Variants in ZFYVE9 observed in about 807,000 individuals in gnomAD.
ZFYVE9 encodes the protein zinc finger FYVE domain-containing protein 9.
ZFYVE9 carries 43 observed loss-of-function variants against 126.7 expected under a neutral mutation model. That is an observed-to-expected ratio of 0.34 (90% CI 0.27 to 0.44). ZFYVE9 has a LOEUF of 0.44. Ranked by LOEUF, ZFYVE9 falls within the 20% of genes least tolerant of loss-of-function variation. The pLI, the probability that ZFYVE9 is intolerant of heterozygous loss-of-function variation, is 1.00. For missense variants in ZFYVE9, 1,476 were observed against 1,697.0 expected (o/e 0.87, Z 2.29); for synonymous variants, 521 against 597.4 (o/e 0.87, Z 1.87).
intron 1 of ZFYVE9, among the ~76,000 whole-genome samples, chr1:52,155,419 A>G (rs1210998163): frequency 6.6e-6 from 1 of 151,876 alleles, no homozygotes; most frequent in Non-Finnish European, 1.5e-5. Context: ...TATTTTTAGT[A>G]GAGACGGGGT....
At chr1:52,219,062 T>C (rs185374993) in intron 2 of ZFYVE9, among the ~76,000 whole-genome samples, 4 of 152,140 alleles carry the variant, frequency 2.6e-5, no homozygotes, top group Non-Finnish European at 5.9e-5. Flanking sequence ...AGCCCTGATA[T>C]TTCGTGGTCC....
intron 1 of ZFYVE9, among the ~76,000 whole-genome samples, chr1:52,157,422 A>G (rs1345209152): frequency 3.5e-5 from 1 of 28,480 alleles, no homozygotes; most frequent in Non-Finnish European, 8.3e-5. Flanking sequence ...TTTTTTTGAG[A>G]TGGAGTCTCA....
intron 13 of ZFYVE9, among the ~76,000 whole-genome samples, chr1:52,315,732 T>C (rs1454503526): frequency 6.6e-6 from 1 of 152,026 alleles, no homozygotes; most frequent in East Asian, 1.9e-4. Context: ...AATAGCAAGA[T>C]AGTAAATTTA....
intron 5 of ZFYVE9, chr1:52,264,133 G>A (rs904252988): frequency 3.0e-5 from 7 of 235,014 alleles, no homozygotes; most frequent in South Asian, 1.1e-4. Context: ...AATCTGGTGC[G>A]AGGTAGTTAT....
intron 10 of ZFYVE9, among the ~76,000 whole-genome samples, chr1:52,282,458 C>T (rs1645814325): frequency 1.3e-5 from 2 of 152,176 alleles, no homozygotes; most frequent in East Asian, 1.9e-4. Context: ...GAACTATTCT[C>T]GTTTATTGTA....
At chr1:52,300,156 A>G (rs1368347285) in intron 12 of ZFYVE9, among the ~76,000 whole-genome samples, 1 of 152,132 alleles carries the variant, frequency 6.6e-6, no homozygotes, top group African/African-American at 2.4e-5. Flanking sequence ...GCTCTCCAGC[A>G]TACTTCCACA....
At chr1:52,161,950 A>AC (rs1491516254) in intron 1 of ZFYVE9, among the ~76,000 whole-genome samples, 5 of 149,812 alleles carry the variant, frequency 3.3e-5, no homozygotes, top group African/African-American at 1.2e-4. Context: ...AAAAAAAAAA[A>AC]GTTTACGGAG....
intron 2 of ZFYVE9, among the ~76,000 whole-genome samples, chr1:52,223,207 C>T (rs1408910725): frequency 1.3e-5 from 2 of 152,234 alleles, no homozygotes; most frequent in African/African-American, 2.4e-5. Context: ...TTTCTTTTCC[C>T]TCTCCCATTC....
At chr1:52,181,336 C>T (rs578214584) in intron 1 of ZFYVE9, among the ~76,000 whole-genome samples, 3 of 152,368 alleles carry the variant, frequency 2.0e-5, no homozygotes, top group South Asian at 2.1e-4. Flanking sequence ...CCGCCAGCCT[C>T]GGCCTCCCGA....
intron 13 of ZFYVE9, among the ~76,000 whole-genome samples, chr1:52,316,505 T>C (rs190683480): frequency 8.9e-4 from 130 of 146,024 alleles, no homozygotes; most frequent in Non-Finnish European, 1.5e-3. Flanking sequence ...AAAAACTAAA[T>C]GGGTAGAAAA....
chr1:52,345,032 C>T, intron 18 of ZFYVE9, 88 bp downstream of exon 18: 2 of 1,437,176 alleles, frequency 1.4e-6, no homozygotes, highest in Non-Finnish European at 1.9e-6. Context: ...CCCCAGAGAG[C>T]TTAATTCTCC....
intron 1 of ZFYVE9, among the ~76,000 whole-genome samples, chr1:52,184,170 T>C (rs1388303649): frequency 1.3e-5 from 2 of 148,356 alleles, no homozygotes; most frequent in South Asian, 2.1e-4. Context: ...ATTTGTCCTT[T>C]TGGCATTTCT....
At chr1:52,244,703 G>A (rs1645366738) in intron 4 of ZFYVE9, among the ~76,000 whole-genome samples, 1 of 152,076 alleles carries the variant, frequency 6.6e-6, no homozygotes, top group African/African-American at 2.4e-5. Context: ...GACTTAATGG[G>A]TTAGAATCAG....
In ZFYVE9 at chr1:52,306,321, C is replaced by T. The variant is rs187702154; in HGVS notation, c.3438+2396C>T. Among the ~76,000 whole-genome samples, 332 of 152,252 alleles carry T rather than the reference C, an allele frequency of 2.2e-3. 1 individual carries two copies. Among genetic ancestry groups the T allele is most frequent in the African/African-American group, 7.5e-3 (310 of 41,548 alleles). On this transcript the variant is annotated intron_variant, in intron 13 of 18. Coordinates refer to ENST00000287727, the MANE Select transcript of ZFYVE9 (RefSeq NM_004799.4). Reference sequence around the variant, plus strand: ...TCTCCTCTCTGCTGAGACCTGCAGACGCTGAGATGACCAGCTGTAGAGAGG... The same window carrying T: ...TCTCCTCTCTGCTGAGACCTGCAGATGCTGAGATGACCAGCTGTAGAGAGG...
At chr1:52,155,435 T>C (rs927654872) in intron 1 of ZFYVE9, among the ~76,000 whole-genome samples, 4 of 151,954 alleles carry the variant, frequency 2.6e-5, no homozygotes, top group African/African-American at 9.7e-5. Flanking sequence ...GGGGTTTCAC[T>C]GTGTTAGCCA....
At chr1:52,296,194 CAT>C (rs540975719) in intron 12 of ZFYVE9, among the ~76,000 whole-genome samples, 1 of 150,822 alleles carries the variant, frequency 6.6e-6, no homozygotes, top group African/African-American at 2.5e-5. Context: ...CACACACACA[CAT>C]ATATATATTC....
chr1:52,149,695 A>G (rs1040036717), intron 1 of ZFYVE9, among the ~76,000 whole-genome samples: 5 of 152,114 alleles, frequency 3.3e-5, no homozygotes, highest in Non-Finnish European at 5.9e-5. Flanking sequence ...GGGTTTCACT[A>G]TCTTGGCCAG....
At chr1:52,176,598 G>A (rs1314897095) in intron 1 of ZFYVE9, among the ~76,000 whole-genome samples, 1 of 152,152 alleles carries the variant, frequency 6.6e-6, no homozygotes, top group Non-Finnish European at 1.5e-5. Context: ...CCCAGAGGTG[G>A]AGCCTACGGA....
rs775553196 is a variant in ZFYVE9, at chr1:52,238,527, TGAAAATGAAGGTTATGAACATGAA to T, written c.1115_1138del (p.Asn372_Glu379del). The T allele has an allele frequency of 6.2e-7, 1 of 1,614,056 alleles. No individual in the cohort carries two copies. Among genetic ancestry groups the T allele is most frequent in the Non-Finnish European group, 8.5e-7 (1 of 1,179,956 alleles). On this transcript the variant is annotated inframe_deletion, in exon 4 of 19. Transcript: ENST00000287727. ...TTGTGCCTAATGAAGTTAGGGCTGATGAAAATGAAGGTTATGAACATGAAGAAACTCTTGGCACTACAGAATTCC... is the reference window on the plus strand; with the variant it reads ...TTGTGCCTAATGAAGTTAGGGCTGATGAAACTCTTGGCACTACAGAATTCC...
Sources: gnomAD v4.1 joint callset for allele counts (sites outside exome capture counted in the v4.1 genomes callset) on GRCh38, gnomAD v4.1.1 for gene constraint, MANE v1.5 for transcripts, NCBI Gene and HGNC (gene_info 2026-07-23, HGNC 2026-07-21) for gene names.